Variants in TMEM131 observed in about 807,000 individuals in gnomAD.
TMEM131 encodes the protein transmembrane protein 131, also known as 2610524E03Rik.
A neutral mutation model predicts 211.6 loss-of-function variants in TMEM131; 66 were observed. That is an observed-to-expected ratio of 0.31 (90% CI 0.26 to 0.38). The LOEUF (loss-of-function observed/expected upper bound fraction) is 0.38, where lower values mean the gene tolerates loss of function less well. TMEM131 is among the 10% of genes least tolerant of loss of function. The probability of loss-of-function intolerance (pLI) is 1.00; values close to 1 mark genes in which losing one functional copy is unlikely to be tolerated. For missense variants in TMEM131, 2,036 were observed against 2,299.3 expected (o/e 0.89, Z 2.34); for synonymous variants, 844 against 841.3 (o/e 1.00, Z -0.06).
intron 1 of TMEM131, among the ~76,000 whole-genome samples, chr2:97,948,659 T>A (rs907491839): frequency 1.2e-4 from 18 of 151,968 alleles, no homozygotes; most frequent in Middle Eastern, 3.4e-3. Flanking sequence ...TTTCTTTTTT[T>A]TTTATTTATT....
At chr2:97,935,718 A>G (rs1677413917) in intron 1 of TMEM131, among the ~76,000 whole-genome samples, 1 of 152,216 alleles carries the variant, frequency 6.6e-6, no homozygotes, top group Non-Finnish European at 1.5e-5. Context: ...ACATTTGAAA[A>G]TTCTAACAAG....
Position 97,927,409 on chromosome 2 carries a change from A to C in TMEM131, c.249+17T>G, listed in dbSNP as rs768519408. On this transcript the variant is annotated intron_variant, in intron 2 of 40. Coordinates refer to ENST00000186436, the MANE Select transcript of TMEM131 (RefSeq NM_015348.2). ...TTCAAGGCTTAACAATAACTTGTCT[A>C]CTTAAAAAAAAATTACCTGTAGTAG... is the stretch of plus-strand genomic sequence containing the variant. 1.3e-6 allele frequency: 2 copies of C among 1,575,536 alleles called. No homozygotes were observed. The highest frequency in any genetic ancestry group is 3.6e-5 in the Admixed American group (2 of 54,894).
chr2:97,870,229 G>C (rs1674437208), intron 4 of TMEM131, among the ~76,000 whole-genome samples: 1 of 152,104 alleles, frequency 6.6e-6, no homozygotes, highest in African/African-American at 2.4e-5. Context: ...CACCTAGATT[G>C]GTGTTTGATT....
At chr2:97,989,663 C>T (rs889450579) in intron 1 of TMEM131, among the ~76,000 whole-genome samples, 14 of 152,074 alleles carry the variant, frequency 9.2e-5, no homozygotes, top group Admixed American at 7.2e-4. Flanking sequence ...TAAATAAAAA[C>T]GTAGGTTTCA....
chr2:97,898,711 T>C (rs947445518), intron 3 of TMEM131, among the ~76,000 whole-genome samples: 13 of 152,202 alleles, frequency 8.5e-5, no homozygotes, highest in African/African-American at 2.2e-4. Flanking sequence ...TATTTTGTTA[T>C]GGCAGTCTAG....
At chr2:97,944,024 G>A (rs146461081) in intron 1 of TMEM131, among the ~76,000 whole-genome samples, 1,817 of 152,308 alleles carry the variant, frequency 0.012, 40 homozygotes, top group African/African-American at 0.041. Context: ...AGAGGTGGCA[G>A]TGAGCCAAGA....
intron 2 of TMEM131, among the ~76,000 whole-genome samples, chr2:97,918,671 C>G (rs1417555085): frequency 6.6e-6 from 1 of 152,160 alleles, no homozygotes; most frequent in Non-Finnish European, 1.5e-5. Flanking sequence ...GGAGACATAG[C>G]AACCAAATGC....
intron 1 of TMEM131, among the ~76,000 whole-genome samples, chr2:97,984,450 G>A (rs1306999723): frequency 6.6e-6 from 1 of 151,930 alleles, no homozygotes; most frequent in Non-Finnish European, 1.5e-5. Context: ...AAGAAAAGAG[G>A]TTTACTTGAC....
intron 5 of TMEM131, among the ~76,000 whole-genome samples, chr2:97,844,558 ACAAT>A (rs1459757563): frequency 6.6e-6 from 1 of 152,164 alleles, no homozygotes; most frequent in African/African-American, 2.4e-5. Flanking sequence ...CCACGATGAG[ACAAT>A]CAGATAGGAG....
At chr2:97,963,394 C>G (rs1044292999) in intron 1 of TMEM131, among the ~76,000 whole-genome samples, 3 of 152,144 alleles carry the variant, frequency 2.0e-5, no homozygotes, top group African/African-American at 7.2e-5. Context: ...TCCTTAAGGT[C>G]TCAGGAACCA....
chr2:97,852,841 T>C (rs1673682600), intron 5 of TMEM131, among the ~76,000 whole-genome samples: 1 of 152,232 alleles, frequency 6.6e-6, no homozygotes, highest in Non-Finnish European at 1.5e-5. Context: ...ACACAGCTGG[T>C]GGCTTTAAGT....
At chr2:97,966,034 T>TA (rs917844310) in intron 1 of TMEM131, among the ~76,000 whole-genome samples, 14 of 150,854 alleles carry the variant, frequency 9.3e-5, no homozygotes, top group South Asian at 4.2e-4. Flanking sequence ...AGCAATTTTT[T>TA]AAAAAAAAAC....
intron 1 of TMEM131, among the ~76,000 whole-genome samples, chr2:97,942,492 C>CA (rs199817985): frequency 0.06 from 4,182 of 69,608 alleles, 175 homozygotes; most frequent in African/African-American, 0.21. Context: ...AAAAAAAATA[C>CA]AAAAAAAAAG....
chr2:97,873,642 A>G (rs1674578948), intron 4 of TMEM131, among the ~76,000 whole-genome samples: 1 of 152,234 alleles, frequency 6.6e-6, no homozygotes, highest in African/African-American at 2.4e-5. Flanking sequence ...ACTCCAGCAG[A>G]CCAGCAGCAG....
At chr2:97,877,660 A>G (rs1474993474) in intron 4 of TMEM131, among the ~76,000 whole-genome samples, 3 of 152,252 alleles carry the variant, frequency 2.0e-5, no homozygotes, top group Non-Finnish European at 4.4e-5. Context: ...CATATGCAGA[A>G]AACTGAAACT....
At chr2:97,877,496 A>T (rs757011308) in intron 4 of TMEM131, among the ~76,000 whole-genome samples, 26 of 152,334 alleles carry the variant, frequency 1.7e-4, no homozygotes, top group Non-Finnish European at 3.1e-4. Context: ...TGGTACTGGT[A>T]CCAAAACAGA....
intron 1 of TMEM131, among the ~76,000 whole-genome samples, chr2:97,967,435 A>G (rs141937108): frequency 1.6e-4 from 25 of 152,334 alleles, no homozygotes; most frequent in Non-Finnish European, 3.1e-4. Context: ...CAGTGTGTAA[A>G]TTTATTCATA....
chr2:97,789,232 C>T (rs12988571), intron 31 of TMEM131, among the ~76,000 whole-genome samples: 46,909 of 152,134 alleles, frequency 0.31, 8,546 homozygotes, highest in Non-Finnish European at 0.39. Context: ...CCACACCTTC[C>T]ACTGCTTTCT....
intron 1 of TMEM131, among the ~76,000 whole-genome samples, chr2:97,979,663 G>A (rs1257261032): frequency 6.6e-6 from 1 of 152,172 alleles, no homozygotes; most frequent in African/African-American, 2.4e-5. Flanking sequence ...GCCTTGCTCT[G>A]GATTAAACTC....
Sources: gnomAD v4.1 joint callset for allele counts (sites outside exome capture counted in the v4.1 genomes callset) on GRCh38, gnomAD v4.1.1 for gene constraint, MANE v1.5 for transcripts, NCBI Gene and HGNC (gene_info 2026-07-23, HGNC 2026-07-21) for gene names.